Variants in RAB4B observed in about 807,000 individuals in gnomAD.
The protein encoded by RAB4B is RAB4B, member RAS oncogene family.
RAB4B carries 15 observed loss-of-function variants against 28.3 expected under a neutral mutation model. The ratio of observed to expected loss-of-function variants is 0.53; its 90% CI spans 0.35 to 0.82. The LOEUF (loss-of-function observed/expected upper bound fraction) is 0.82. RAB4B is among the 40% of genes least tolerant of loss of function. The probability of loss-of-function intolerance (pLI) is 0.01; values close to 1 mark genes in which losing one functional copy is unlikely to be tolerated. For synonymous variants in RAB4B, 108 were observed against 116.3 expected (o/e 0.93, Z 0.46); for missense variants, 244 against 288.5 (o/e 0.85, Z 1.12).
chr19:40,784,883 C>T (rs2083083933), intron 5 of RAB4B, among the ~76,000 whole-genome samples: 2 of 150,534 alleles, frequency 1.3e-5, no homozygotes, highest in Non-Finnish European at 2.9e-5. Context: ...TTCTGTTGCC[C>T]AGGCTGGAGT....
At chr19:40,782,417 C>T (rs2083057517) in intron 3 of RAB4B, among the ~76,000 whole-genome samples, 1 of 151,906 alleles carries the variant, frequency 6.6e-6, no homozygotes, top group Non-Finnish European at 1.5e-5. Context: ...GAGATTTGCT[C>T]AGAAAATGTT....
At chr19:40,785,348 A>G (rs1039036532) in intron 5 of RAB4B, among the ~76,000 whole-genome samples, 7 of 150,580 alleles carry the variant, frequency 4.6e-5, no homozygotes, top group Admixed American at 1.3e-4. Flanking sequence ...TCTACAAAAA[A>G]AAAAAAAAAA....
intron 3 of RAB4B, among the ~76,000 whole-genome samples, chr19:40,781,112 TAAAA>T (rs941942424): frequency 1.3e-5 from 1 of 76,650 alleles, no homozygotes; most frequent in African/African-American, 5.0e-5. Flanking sequence ...GTGTCTCTAC[TAAAA>T]AAAAAAAAAA....
At chr19:40,791,645 T>C (rs2083160729) in intron 7 of RAB4B, among the ~76,000 whole-genome samples, 1 of 151,972 alleles carries the variant, frequency 6.6e-6, no homozygotes, top group African/African-American at 2.4e-5. Context: ...TCCAAACTTT[T>C]GTTTTTTTTT....
At chr19:40,783,756 C>T in intron 3 of RAB4B, 22 bp from the exon 4 acceptor site, 2 of 1,513,998 alleles carry the variant, frequency 1.3e-6, no homozygotes, top group Non-Finnish European at 1.8e-6. Context: ...TTGGGGGTGA[C>T]TGGGTCCCCC....
chr19:40,792,774 C>CT (rs113629077), intron 7 of RAB4B, among the ~76,000 whole-genome samples: 7 of 151,590 alleles, frequency 4.6e-5, no homozygotes, highest in South Asian at 2.1e-4. Context: ...AGAATGTTTT[C>CT]TTTTTTTTTC....
rs1057062212 is a variant in RAB4B at position 40,786,537 on chromosome 19, G to A, written c.431-128G>A. The A allele has an allele frequency of 1.4e-5, 20 of 1,398,840 alleles. 1 individual carries two copies. Among genetic ancestry groups the A allele is most frequent in the South Asian group, 9.4e-5 (7 of 74,824 alleles). 86.7% of individuals were successfully genotyped at this position (1,398,840 alleles called of 1,614,324 possible). A position where few individuals can be genotyped will look rare whatever the true frequency, so the allele number is the denominator to read the frequency against. ...CATTAGTGGCAGGGAAATGGCATGC[G>A]CAGAGGCCTGAGGTGAGGGTAAGGG... On this transcript the variant is annotated intron_variant, in intron 5 of 7. Transcript: ENST00000357052.
Position 40,786,693 on chromosome 19 carries a change from C to G in RAB4B, c.459C>G (p.Leu153=), listed in dbSNP as rs745805072. The stretch of plus-strand genomic sequence containing the variant: ...TGATGTTCCTGGAGACCAGCGCTCT[C>G]ACAGGCGAGAACGTGGAGGAGGCGT... The part of the protein sequence containing the change: ...NELMFLETSA[L]TGENVEEAFL... The change falls in exon 6 of 8, where the codon CTC becomes CTG. Residue 153 remains leucine, a synonymous_variant. Transcript: ENST00000357052. The G allele has an allele frequency of 1.9e-6, 3 of 1,614,066 alleles. No homozygotes were observed. In the South Asian group the frequency reaches 3.3e-5, roughly 18 times the overall value.
At position 40,778,520 on chromosome 19, in the gene RAB4B, C is replaced by T. The variant is rs533494971; in HGVS notation, c.16+129C>T. ...GATGGAGGCAGGACCTAAGTGGATG[C>T]TGGGAGGGGTTTAGTGGGTCTGAGG... On this transcript the variant is annotated intron_variant, in intron 1 of 7. Coordinates refer to ENST00000357052, the MANE Select transcript of RAB4B (RefSeq NM_016154.5). 1.3e-5 allele frequency: 12 copies of T among 954,868 alleles called. No individual in the cohort carries two copies. In the African/African-American group the frequency reaches 2.1e-4, roughly 17 times the overall value. 59.1% of individuals were successfully genotyped at this position (954,868 alleles called of 1,614,324 possible). A position where few individuals can be genotyped will look rare whatever the true frequency, so the allele number is the denominator to read the frequency against.
At chr19:40,786,560 G>C in intron 5 of RAB4B, 105 bp from the exon 6 acceptor site, 4 of 1,530,772 alleles carry the variant, frequency 2.6e-6, no homozygotes, top group Non-Finnish European at 3.5e-6. Flanking sequence ...GTGAGGGTAA[G>C]GGGGGATGGA....
chr19:40,787,129 G>A (rs1377469336), intron 7 of RAB4B, among the ~76,000 whole-genome samples, 151 bp downstream of exon 7: 1 of 152,066 alleles, frequency 6.6e-6, no homozygotes, highest in Non-Finnish European at 1.5e-5. Context: ...CTGGCTGGGC[G>A]CAGTGGCTCA....
intron 7 of RAB4B, among the ~76,000 whole-genome samples, chr19:40,787,244 T>A (rs1261877448): frequency 1.3e-5 from 2 of 150,408 alleles, no homozygotes; most frequent in Non-Finnish European, 3.0e-5. Flanking sequence ...CTCAGAAAGG[T>A]CAGGGCCAGG....
rs1358492272 is a variant in RAB4B at position 40,796,830 on chromosome 19, G to C, written c.*276G>C. ...AAGAGCTCCCAAAGCCTGAGACCAG[G>C]GTCATTTGTCCCCAACTCCCCATCT... On this transcript the variant is annotated 3_prime_UTR_variant, in exon 8 of 8. Coordinates refer to ENST00000357052, the MANE Select transcript of RAB4B (RefSeq NM_016154.5). 1 of 152,850 alleles carries C rather than the reference G, an allele frequency of 6.5e-6. No individual in the cohort carries two copies. The highest frequency in any genetic ancestry group is 1.5e-5 in the Non-Finnish European group (1 of 68,232). 9.5% of individuals were successfully genotyped at this position (152,850 alleles called of 1,614,324 possible). A position where few individuals can be genotyped will look rare whatever the true frequency, so the allele number is the denominator to read the frequency against.
chr19:40,790,679 T>G (rs1200703881), intron 7 of RAB4B, among the ~76,000 whole-genome samples: 2 of 142,850 alleles, frequency 1.4e-5, no homozygotes, highest in African/African-American at 2.6e-5. Context: ...TTTTTTTTTT[T>G]TTTTTTAATT....
At chr19:40,781,904 C>T (rs2545777) in intron 3 of RAB4B, among the ~76,000 whole-genome samples, 13,501 of 151,622 alleles carry the variant, frequency 0.089, 866 homozygotes, top group East Asian at 0.2. Context: ...GCTGGAAGTC[C>T]CAGCTACTTG....
chr19:40,795,369 T>TTTTATTTATTTATTTA (rs10594318), intron 7 of RAB4B, among the ~76,000 whole-genome samples: 11 of 145,654 alleles, frequency 7.6e-5, no homozygotes, highest in Admixed American at 2.1e-4. Context: ...GGCAGGTTCA[T>TTTTATTTATTTATTTA]TTTATTTATT....
At position 40,778,399 on chromosome 19, in the gene RAB4B, T is replaced by G. The variant is rs1599736568; in HGVS notation, c.16+8T>G. 6.9e-7 allele frequency: 1 copy of G among 1,458,170 alleles called. No homozygotes were observed. 90.3% of individuals were successfully genotyped at this position (1,458,170 alleles called of 1,614,324 possible). A position where few individuals can be genotyped will look rare whatever the true frequency, so the allele number is the denominator to read the frequency against. ...TCATGGCTGAGACCTACGGTGAGGG[T>G]GGTGGACGAAGCTGGGGTCCTGGGT... On this transcript the variant is annotated splice_region_variant and intron_variant, in intron 1 of 7. Transcript: ENST00000357052.
intron 7 of RAB4B, among the ~76,000 whole-genome samples, chr19:40,791,146 C>T (rs1281001621): frequency 1.3e-5 from 2 of 151,986 alleles, no homozygotes; most frequent in African/African-American, 2.4e-5. Flanking sequence ...TGAGACATTG[C>T]GCCCGGCCAA....
At chr19:40,781,803 C>T (rs1169269789) in intron 3 of RAB4B, among the ~76,000 whole-genome samples, 5 of 151,854 alleles carry the variant, frequency 3.3e-5, no homozygotes, top group Non-Finnish European at 5.9e-5. Context: ...GGGCGGATCA[C>T]GAGGTCAGGA....
Sources: gnomAD v4.1 joint callset for allele counts (sites outside exome capture counted in the v4.1 genomes callset) on GRCh38, gnomAD v4.1.1 for gene constraint, MANE v1.5 for transcripts, NCBI Gene and HGNC (gene_info 2026-07-23, HGNC 2026-07-21) for gene names.